Variants in KCTD19 observed in about 807,000 individuals in gnomAD.
The protein encoded by KCTD19 is BTB/POZ domain-containing protein KCTD19.
KCTD19 carries 67 observed loss-of-function variants against 103.5 expected under a neutral mutation model. The observed-to-expected ratio is 0.65, with a 90% CI of 0.53 to 0.79. The LOEUF (loss-of-function observed/expected upper bound fraction) is 0.79, where lower values mean the gene tolerates loss of function less well. KCTD19 is among the 30% of genes least tolerant of loss of function. The pLI, the probability that KCTD19 is intolerant of heterozygous loss-of-function variation, is 0.00. For missense variants in KCTD19, 980 were observed against 1,136.1 expected (o/e 0.86, Z 1.98); for synonymous variants, 439 against 452.2 (o/e 0.97, Z 0.37).
intron 15 of KCTD19, among the ~76,000 whole-genome samples, chr16:67,290,528 G>A (rs1308016248): frequency 6.6e-6 from 1 of 152,190 alleles, no homozygotes; most frequent in Non-Finnish European, 1.5e-5. Context: ...CACAATTGGT[G>A]ACATCGTGGC....
intron 15 of KCTD19, among the ~76,000 whole-genome samples, chr16:67,290,167 C>CTTTTT (rs11296444): frequency 1.0e-4 from 7 of 69,316 alleles, no homozygotes; most frequent in African/African-American, 2.3e-4. Context: ...TGAATATTTT[C>CTTTTT]TTTTTTTTTT....
Position 67,320,967 on chromosome 16 carries a change from C to T in KCTD19, c.4-82G>A. The T allele has an allele frequency of 8.5e-7, 1 of 1,181,264 alleles. No individual in the cohort carries two copies. Among genetic ancestry groups the T allele is most frequent in the Non-Finnish European group, 1.2e-6 (1 of 845,176 alleles). 73.2% of individuals were successfully genotyped at this position (1,181,264 alleles called of 1,614,324 possible). The stretch of plus-strand genomic sequence containing the variant: ...GATTGAAAAGGTAGAAATAAACTAT[C>T]TCTGTTTGCTGATGACATGATCTTG... On this transcript the variant is annotated intron_variant, in intron 1 of 15. Transcript: ENST00000304372. This position sits in a 1 kb window ranked among gnomAD's most constrained non-coding sequence, Gnocchi z 4.0.
Position 67,289,554 on chromosome 16 carries a change from G to T in KCTD19, c.*15C>A. The stretch of plus-strand genomic sequence containing the variant: ...CTTGGCGGGTGGGGCATGAGGGGCT[G>T]CATCTCTGGGCACCCTAGTCCTCTT... On this transcript the variant is annotated 3_prime_UTR_variant, in exon 16 of 16. Transcript: ENST00000304372. 1 of 1,524,088 alleles carries T rather than the reference G, an allele frequency of 6.6e-7. No homozygotes were observed. The highest frequency in any genetic ancestry group is 9.1e-7 in the Non-Finnish European group (1 of 1,098,438). The allele number at this position is 1,524,088 out of a possible 1,614,324, so 94.4% of individuals were successfully genotyped here. A position where few individuals can be genotyped will look rare whatever the true frequency, so the allele number is the denominator to read the frequency against.
rs1430474943 is a variant in KCTD19, at chr16:67,320,586, T to C, written c.300+3A>G. ...CCACTCCCAGAAAACAAGAGCATCT[T>C]ACCTGCAGCAAAGGCATCAGCTGCA... On this transcript the variant is annotated splice_donor_region_variant and intron_variant, in intron 2 of 15. Transcript: ENST00000304372. This position sits in a 1 kb window ranked among gnomAD's most constrained non-coding sequence, Gnocchi z 4.0. 5 of 1,612,790 alleles carry C rather than the reference T, an allele frequency of 3.1e-6. No homozygotes were observed. Among genetic ancestry groups the C allele is most frequent in the Middle Eastern group, 3.3e-4 (2 of 6,048 alleles).
chr16:67,320,074 C>A lies in KCTD19; in HGVS notation c.300+515G>T, dbSNP rs2037055589. 6.6e-6 allele frequency among the ~76,000 whole-genome samples: 1 copy of A among 152,206 alleles called. No individual in the cohort carries two copies. Among genetic ancestry groups the A allele is most frequent in the Non-Finnish European group, 1.5e-5 (1 of 68,036 alleles). ...GGTGGCTGCTAGTCTAACTAAAGCA[C>A]AGTTGGGATGAAATCATTTATTAAG... On this transcript the variant is annotated intron_variant, in intron 2 of 15. Transcript: ENST00000304372. This position sits in a 1 kb window ranked among gnomAD's most constrained non-coding sequence, Gnocchi z 4.0.
chr16:67,299,928 G>A (rs577553991), intron 5 of KCTD19: 56 of 238,044 alleles, frequency 2.4e-4, no homozygotes, highest in Non-Finnish European at 3.7e-4. Context: ...GGTAAAGAAC[G>A]GCAACCATGG....
At position 67,303,836 on chromosome 16, in the gene KCTD19, C is replaced by G. The variant is rs1236784343; in HGVS notation, c.452-499G>C. ...TGCTGGGATTACAGGCATGAGCCAC[C>G]GTGCCCAGCTGGAAATCTATATTTT... On this transcript the variant is annotated intron_variant, in intron 3 of 15. Transcript: ENST00000304372. This position sits in a 1 kb window ranked among gnomAD's most constrained non-coding sequence, Gnocchi z 4.3. 6.6e-6 allele frequency among the ~76,000 whole-genome samples: 1 copy of G among 152,200 alleles called. No individual in the cohort carries two copies. The highest frequency in any genetic ancestry group is 1.5e-5 in the Non-Finnish European group (1 of 68,032).
At position 67,303,437 on chromosome 16, in the gene KCTD19, G is replaced by A; in HGVS notation, c.452-100C>T. 4 of 869,960 alleles carry A rather than the reference G, an allele frequency of 4.6e-6. No homozygotes were observed. Among genetic ancestry groups the A allele is most frequent in the Non-Finnish European group, 7.0e-6 (4 of 571,102 alleles). The allele number at this position is 869,960 out of a possible 1,614,324, so 53.9% of individuals were successfully genotyped here. ...CCCAGGGGCCCCAGAGGATGCTAGA[G>A]AGACCCCCCAGGATATGGTCCTTGC... On this transcript the variant is annotated intron_variant, in intron 3 of 15. Coordinates refer to ENST00000304372, the MANE Select transcript of KCTD19 (RefSeq NM_001100915.3). This position sits in a 1 kb window ranked among gnomAD's most constrained non-coding sequence, Gnocchi z 4.3.
intron 7 of KCTD19, among the ~76,000 whole-genome samples, chr16:67,297,276 A>C (rs1597393702): frequency 6.6e-6 from 1 of 152,298 alleles, no homozygotes; most frequent in East Asian, 1.9e-4. Flanking sequence ...GCGTGGCCCC[A>C]GACTGGGTAA....
chr16:67,306,550 G>A (rs1210503587), intron 2 of KCTD19, among the ~76,000 whole-genome samples: 4 of 152,084 alleles, frequency 2.6e-5, no homozygotes, highest in South Asian at 2.1e-4. Context: ...GTGAGCCACC[G>A]TGCCCGTCCT....
At position 67,303,110 on chromosome 16, in the gene KCTD19, G is replaced by GGGGGGGGC; in HGVS notation, c.643+35_643+36insGCCCCCCC. On this transcript the variant is annotated intron_variant, in intron 4 of 15. Transcript: ENST00000304372. The surrounding 1 kb of genome is among the most constrained non-coding windows in gnomAD (Gnocchi z 4.3). Reference sequence around the variant, plus strand: ...GGGGAGGGGTGAATGGGCCCTATCAGCCCGCCCCCCACCCCACCCCGGACA... The same window carrying GGGGGGGGC: ...GGGGAGGGGTGAATGGGCCCTATCAGGGGGGGGCCCCGCCCCCCACCCCACCCCGGACA... The GGGGGGGGC allele has an allele frequency of 1.1e-6, 1 of 947,046 alleles. No homozygotes were observed. The highest frequency in any genetic ancestry group is 1.6e-6 in the Non-Finnish European group (1 of 621,078). 58.7% of individuals were successfully genotyped at this position (947,046 alleles called of 1,614,324 possible). A position where few individuals can be genotyped will look rare whatever the true frequency, so the allele number is the denominator to read the frequency against.
At chr16:67,295,196 C>T in intron 9 of KCTD19, 67 bp downstream of exon 9, 1 of 1,589,340 alleles carries the variant, frequency 6.3e-7, no homozygotes, top group Non-Finnish European at 8.6e-7. Context: ...CAACTCAGGT[C>T]TCCTTTGTTG....
intron 2 of KCTD19, among the ~76,000 whole-genome samples, chr16:67,313,272 G>A (rs1248216023): frequency 6.6e-5 from 10 of 151,904 alleles, no homozygotes; most frequent in South Asian, 4.2e-4. Flanking sequence ...CATCATGCCC[G>A]GCTAATTTTT....
At position 67,290,970 on chromosome 16, in the gene KCTD19, G is replaced by A. The variant is rs1225282687; in HGVS notation, c.2582C>T (p.Pro861Leu). 3.7e-6 allele frequency: 6 copies of A among 1,613,990 alleles called. No individual in the cohort carries two copies. Among genetic ancestry groups the A allele is most frequent in the Non-Finnish European group, 5.1e-6 (6 of 1,180,012 alleles). Residue 861 changes from proline to leucine, a missense_variant, in exon 15 of 16, where the codon CCC becomes CTC. Coordinates refer to ENST00000304372, the MANE Select transcript of KCTD19 (RefSeq NM_001100915.3). ...CAGCAAATCTACCACAAACTGCTTG[G>A]GGCTGATGTGCAGGGTCTGCCAGGA... ...ANRLWTLHIS[P>L]KQFVVDLLAI...
intron 2 of KCTD19, among the ~76,000 whole-genome samples, chr16:67,314,520 C>T (rs576279431): frequency 3.3e-5 from 5 of 151,886 alleles, no homozygotes; most frequent in Non-Finnish European, 4.4e-5. Context: ...ATAAATTTGC[C>T]TGTTCTGCAC....
At chr16:67,313,357 G>A (rs780402968) in intron 2 of KCTD19, among the ~76,000 whole-genome samples, 2 of 151,998 alleles carry the variant, frequency 1.3e-5, no homozygotes, top group South Asian at 2.1e-4. Context: ...TGATCTGCCC[G>A]CCTTGGCCTC....
At chr16:67,292,000 A>C (rs1016242316) in intron 12 of KCTD19, among the ~76,000 whole-genome samples, 163 bp from the exon 13 acceptor site, 6 of 152,038 alleles carry the variant, frequency 3.9e-5, no homozygotes, top group Non-Finnish European at 8.8e-5. Context: ...CAGCCTCCTG[A>C]GTAGCTGGGA....
chr16:67,297,280 TGGG>T (rs2036775301), intron 7 of KCTD19, among the ~76,000 whole-genome samples: 1 of 152,166 alleles, frequency 6.6e-6, no homozygotes. Context: ...GGCCCCAGAC[TGGG>T]TAACAGCCCT....
chr16:67,319,167 G>C (rs1427260548), intron 2 of KCTD19, among the ~76,000 whole-genome samples: 2 of 151,744 alleles, frequency 1.3e-5, no homozygotes, highest in Non-Finnish European at 2.9e-5. Context: ...AGGTTGCAGT[G>C]AGCCGAGATG....
Sources: gnomAD v4.1 joint callset for allele counts (sites outside exome capture counted in the v4.1 genomes callset) on GRCh38, gnomAD v4.1.1 for gene constraint, Gnocchi (gnomAD v3.1) non-coding constraint, MANE v1.5 for transcripts, NCBI Gene and HGNC (gene_info 2026-07-23, HGNC 2026-07-21) for gene names.